Variants in NCKAP1 observed in about 807,000 individuals in gnomAD.
NCKAP1 encodes nck-associated protein 1.
A neutral mutation model predicts 151.2 loss-of-function variants in NCKAP1; 21 were observed. The ratio of observed to expected loss-of-function variants is 0.14; its 90% CI spans 0.10 to 0.20. The LOEUF (loss-of-function observed/expected upper bound fraction) is 0.20. Among genes scored for constraint, NCKAP1 ranks in the 10% least tolerant of loss-of-function variants. The probability of loss-of-function intolerance (pLI) is 1.00; values close to 1 mark genes in which losing one functional copy is unlikely to be tolerated. For synonymous variants in NCKAP1, 484 were observed against 451.8 expected (o/e 1.07, Z -0.90); for missense variants, 933 against 1,352.1 (o/e 0.69, Z 4.86).
At chr2:182,986,545 T>G (rs1426330281) in intron 9 of NCKAP1, among the ~76,000 whole-genome samples, 8 of 152,192 alleles carry the variant, frequency 5.3e-5, no homozygotes, top group Admixed American at 3.9e-4. Flanking sequence ...CTGATGTAAT[T>G]AACATCAGAA....
chr2:183,017,230 T>C (rs1698709754), intron 2 of NCKAP1, among the ~76,000 whole-genome samples: 1 of 151,166 alleles, frequency 6.6e-6, no homozygotes, highest in African/African-American at 2.4e-5. Flanking sequence ...GGGTGGAGGG[T>C]GGTTTGGGGT....
intron 8 of NCKAP1, 23 bp downstream of exon 8, chr2:182,994,816 T>C (rs1575054135): frequency 6.3e-7 from 1 of 1,579,938 alleles, no homozygotes; most frequent in Non-Finnish European, 8.7e-7. Context: ...GGAGTAATCA[T>C]AACACTAACC....
At chr2:182,986,442 C>T (rs569396646) in intron 9 of NCKAP1, among the ~76,000 whole-genome samples, 12 of 152,126 alleles carry the variant, frequency 7.9e-5, no homozygotes, top group African/African-American at 2.9e-4. Context: ...TATATTAAAT[C>T]CAACAATAAA....
At chr2:183,019,447 TA>T (rs1698754984) in intron 2 of NCKAP1, among the ~76,000 whole-genome samples, 1 of 152,160 alleles carries the variant, frequency 6.6e-6, no homozygotes, top group South Asian at 2.1e-4. Flanking sequence ...CTGAGCCAAA[TA>T]ATTTGTATGT....
rs1331552489 is a variant in NCKAP1, at chr2:182,957,574, T to C, written c.1904A>G (p.Lys635Arg). Residue 635 changes from lysine to arginine, a missense_variant, in exon 19 of 31, where the codon AAA (lysine) becomes AGA (arginine). Lys to Arg is a conservative substitution (Grantham distance 26). Around this residue, in one of 2 missense-constraint regions of NCKAP1, gnomAD observed 607 missense variants for 795.0 expected, o/e 0.76. Transcript: ENST00000361354. ...CTTATTCACTGCTTGACTGATAGTT[T>C]TGGCACAATGCTTGGGTAGCAACTA... is the stretch of plus-strand genomic sequence containing the variant. ...SDQLLPKHCA[K>R]TISQAVNKKS... 4 of 1,613,020 alleles carry C rather than the reference T, an allele frequency of 2.5e-6. No individual in the cohort carries two copies. Among genetic ancestry groups the C allele is most frequent in the South Asian group, 1.1e-5 (1 of 90,750 alleles).
intron 8 of NCKAP1, among the ~76,000 whole-genome samples, chr2:182,994,403 C>G (rs993275635): frequency 1.3e-5 from 2 of 151,896 alleles, no homozygotes; most frequent in Non-Finnish European, 2.9e-5. Context: ...TGTGGGAGGC[C>G]GAGGCGGGCA....
intron 6 of NCKAP1, among the ~76,000 whole-genome samples, chr2:182,998,936 CA>C (rs1698327029): frequency 6.7e-6 from 1 of 149,370 alleles, no homozygotes; most frequent in African/African-American, 2.5e-5. Context: ...TACACCTATA[CA>C]CCTAACCAAG....
chr2:182,991,612 T>C (rs1297313417), intron 8 of NCKAP1, among the ~76,000 whole-genome samples: 1 of 151,340 alleles, frequency 6.6e-6, no homozygotes, highest in Non-Finnish European at 1.5e-5. Context: ...GATGACTTAT[T>C]AATTAAACTA....
At position 182,926,931 on chromosome 2, in the gene NCKAP1, T is replaced by G. The variant is rs748272876; in HGVS notation, c.3181-26A>C. 5.9e-5 allele frequency: 87 copies of G among 1,486,046 alleles called. No homozygotes were observed. In the East Asian group the frequency reaches 6.6e-4, roughly 11 times the overall value. The allele number at this position is 1,486,046 out of a possible 1,614,324, so 92.1% of individuals were successfully genotyped here. A position where few individuals can be genotyped will look rare whatever the true frequency, so the allele number is the denominator to read the frequency against. On this transcript the variant is annotated intron_variant, in intron 29 of 30. Transcript: ENST00000361354. ...CTTAAAAGTATACATACACATAAAG[T>G]GAGTTTGTTAATAAAAGGTTCATCG...
chr2:182,937,119 A>C (rs1575016686), intron 24 of NCKAP1, among the ~76,000 whole-genome samples: 1 of 31,966 alleles, frequency 3.1e-5, no homozygotes, highest in South Asian at 2.0e-3. Context: ...TCTCACAAAA[A>C]AAAAAAAAAA....
Position 183,005,145 on chromosome 2 carries a change from T to C in NCKAP1, c.220-1820A>G, listed in dbSNP as rs552385125. Among the ~76,000 whole-genome samples the C allele has an allele frequency of 2.0e-5, 3 of 152,328 alleles. No individual in the cohort carries two copies. In the South Asian group the frequency reaches 6.2e-4, roughly 32 times the overall value. ...CATTAAACATTTAGAATTGATGTCT[T>C]AGTCCTTTTTCCTGCTTTTCAGTAC... On this transcript the variant is annotated intron_variant, in intron 2 of 30. Coordinates refer to ENST00000361354, the MANE Select transcript of NCKAP1 (RefSeq NM_013436.5).
Position 182,934,908 on chromosome 2 carries a change from G to A in NCKAP1, c.2779-76C>T, listed in dbSNP as rs1696842099. On this transcript the variant is annotated intron_variant, in intron 25 of 30. Coordinates refer to ENST00000361354, the MANE Select transcript of NCKAP1 (RefSeq NM_013436.5). ...CTAAATTTACAAAATATTACCAATT[G>A]ATTAATTTTAGTTTTCATAAAAATT... 7.5e-6 allele frequency: 5 copies of A among 665,630 alleles called. No individual in the cohort carries two copies. In the Admixed American group the frequency reaches 1.8e-4, roughly 23 times the overall value. The allele number at this position is 665,630 out of a possible 1,614,324, so 41.2% of individuals were successfully genotyped here.
chr2:182,927,750 CTTTT>C (rs774146279), intron 29 of NCKAP1, among the ~76,000 whole-genome samples: 1 of 151,844 alleles, frequency 6.6e-6, no homozygotes, highest in Non-Finnish European at 1.5e-5. Flanking sequence ...TTTTCCTTTG[CTTTT>C]TTTCTCTTTC....
rs1696461427 is a variant in NCKAP1 at position 182,916,042 on chromosome 2, T to C, written c.*9660A>G. The stretch of plus-strand genomic sequence containing the variant: ...ATTGGGAGAAATCTTAGAAACCATG[T>C]CTTCGGGGCAGTTTCCTCTCCCTCC... On this transcript the variant is annotated 3_prime_UTR_variant, in exon 31 of 31. Coordinates refer to ENST00000361354, the MANE Select transcript of NCKAP1 (RefSeq NM_013436.5). The C allele has an allele frequency of 6.6e-6, 1 of 151,906 alleles. No individual in the cohort carries two copies. Among genetic ancestry groups the C allele is most frequent in the African/African-American group, 2.4e-5 (1 of 41,358 alleles). 9.4% of individuals were successfully genotyped at this position (151,906 alleles called of 1,614,324 possible).
intron 13 of NCKAP1, among the ~76,000 whole-genome samples, chr2:182,980,339 T>G (rs147119371): frequency 6.6e-6 from 1 of 151,948 alleles, no homozygotes; most frequent in African/African-American, 2.4e-5. Context: ...TTTTCCTTAT[T>G]ATATTTTTAG....
In NCKAP1 at chr2:182,964,657, A is replaced by C; in HGVS notation, c.1761+19T>G. 1 of 1,568,050 alleles carries C rather than the reference A, an allele frequency of 6.4e-7. No homozygotes were observed. The highest frequency in any genetic ancestry group is 1.2e-5 in the South Asian group (1 of 82,970). ...TTACTTTGCATACCATATAACTCAC[A>C]GTAGTACACTATAATTACCTCTTCT... On this transcript the variant is annotated intron_variant, in intron 17 of 30. Coordinates refer to ENST00000361354, the MANE Select transcript of NCKAP1 (RefSeq NM_013436.5).
chr2:182,933,366 T>C (rs1286208513), intron 26 of NCKAP1, among the ~76,000 whole-genome samples: 1 of 146,384 alleles, frequency 6.8e-6, no homozygotes, highest in Non-Finnish European at 1.5e-5. Flanking sequence ...AAGATAAGCC[T>C]CAAAAAGTTT....
At chr2:183,011,967 G>T (rs1698597421) in intron 2 of NCKAP1, among the ~76,000 whole-genome samples, 1 of 152,134 alleles carries the variant, frequency 6.6e-6, no homozygotes, top group Non-Finnish European at 1.5e-5. Context: ...CCCTAAACAA[G>T]CTCATTGTCT....
At chr2:182,944,820 G>A (rs2105814263) in intron 23 of NCKAP1, among the ~76,000 whole-genome samples, 1 of 152,282 alleles carries the variant, frequency 6.6e-6, no homozygotes, top group South Asian at 2.1e-4. Context: ...GCAAAGAAGT[G>A]GCCAGGCATG....
Sources: allele counts gnomAD v4.1 joint callset (sites outside exome capture counted in the v4.1 genomes callset), GRCh38; gene constraint gnomAD v4.1.1; regional missense constraint gnomAD v4.1.1; transcripts MANE v1.5; gene names NCBI Gene and HGNC (gene_info 2026-07-23, HGNC 2026-07-21).